The following LHFPL3 variants were observed in gnomAD, a reference collection of about 807,000 sequenced individuals.
LHFPL3 encodes the protein LHFPL tetraspan subfamily member 3.
LHFPL3 carries 5 observed loss-of-function variants against 19.3 expected under a neutral mutation model. The observed-to-expected ratio is 0.26, with a 90% CI of 0.14 to 0.54. The LOEUF (loss-of-function observed/expected upper bound fraction) is 0.54. Ranked by LOEUF, LHFPL3 falls within the 20% of genes least tolerant of loss-of-function variation. The pLI, the probability that LHFPL3 is intolerant of heterozygous loss-of-function variation, is 0.94. For missense variants in LHFPL3, 249 were observed against 307.4 expected, an observed-to-expected ratio of 0.81 and a Z score of 1.42; for synonymous variants, 133 against 126.2, an observed-to-expected ratio of 1.05 and a Z score of -0.36.
At chr7:104,510,108 A>G (rs79529271) in intron 1 of LHFPL3, among the ~76,000 whole-genome samples, 1 of 151,932 alleles carries the variant, frequency 6.6e-6, no homozygotes, top group Non-Finnish European at 1.5e-5. Context: ...ATGAAGAGAC[A>G]TACCATCTTC....
chr7:104,417,542 G>T (rs948020980), intron 1 of LHFPL3, among the ~76,000 whole-genome samples: 1 of 151,972 alleles, frequency 6.6e-6, no homozygotes, highest in Admixed American at 6.6e-5. Flanking sequence ...TTTTATTGGG[G>T]TCTTGTGTTT....
intron 1 of LHFPL3, among the ~76,000 whole-genome samples, chr7:104,510,436 A>G (rs1192268515): frequency 1.3e-5 from 2 of 152,126 alleles, no homozygotes; most frequent in African/African-American, 2.4e-5. Flanking sequence ...TTGCAAAAGT[A>G]TTTTAACGGA....
chr7:104,652,198 G>A (rs1792045187), intron 1 of LHFPL3, among the ~76,000 whole-genome samples: 2 of 152,130 alleles, frequency 1.3e-5, no homozygotes, highest in African/African-American at 4.8e-5. Flanking sequence ...TCAAAAAGCT[G>A]ACTTGACAAC....
At chr7:104,586,249 A>C (rs1023890001) in intron 1 of LHFPL3, among the ~76,000 whole-genome samples, 1 of 152,066 alleles carries the variant, frequency 6.6e-6, no homozygotes, top group African/African-American at 2.4e-5. Flanking sequence ...GAGAAAGAGG[A>C]GTTAAGGATG....
intron 1 of LHFPL3, among the ~76,000 whole-genome samples, chr7:104,540,169 GAAATT>G (rs2115871849): frequency 6.6e-6 from 1 of 152,222 alleles, no homozygotes; most frequent in Admixed American, 6.5e-5. Flanking sequence ...AAGATACAGT[GAAATT>G]ATACGCTGTG....
chr7:104,636,375 A>T (rs1791729435), intron 1 of LHFPL3, among the ~76,000 whole-genome samples: 1 of 152,088 alleles, frequency 6.6e-6, no homozygotes, highest in Admixed American at 6.6e-5. Context: ...AAAAGTACTA[A>T]TTTTTTTAAC....
At chr7:104,894,024 T>C (rs1472975370) in intron 2 of LHFPL3, among the ~76,000 whole-genome samples, 1 of 151,948 alleles carries the variant, frequency 6.6e-6, no homozygotes, top group Non-Finnish European at 1.5e-5. Flanking sequence ...CCAGTCTCCA[T>C]CTGTGCACAG....
At chr7:104,745,296 T>C (rs1400485682) in intron 2 of LHFPL3, among the ~76,000 whole-genome samples, 1 of 152,198 alleles carries the variant, frequency 6.6e-6, no homozygotes, top group East Asian at 1.9e-4. Flanking sequence ...TAGCAGGAAC[T>C]GCAGCCACCA....
At chr7:104,401,740 C>T (rs1299694045) in intron 1 of LHFPL3, among the ~76,000 whole-genome samples, 1 of 152,160 alleles carries the variant, frequency 6.6e-6, no homozygotes, top group Non-Finnish European at 1.5e-5. Context: ...ATTTAGCAGT[C>T]AGGACAAACT....
In LHFPL3 at chr7:104,784,620, CA is replaced by C. The variant is rs144919152; in HGVS notation, c.682+47712del. ...TTGTGGATACATATCCAAAAGAATTCAAAGCTAGATCTCAAAGAGATATTTG... is the reference window on the plus strand; with the variant it reads ...TTGTGGATACATATCCAAAAGAATTCAAGCTAGATCTCAAAGAGATATTTG... On this transcript the variant is annotated intron_variant, in intron 2 of 2. Coordinates refer to ENST00000424859, the MANE Select transcript of LHFPL3 (RefSeq NM_199000.3). Among the ~76,000 whole-genome samples, 572 of 152,258 alleles carry C rather than the reference CA, an allele frequency of 3.8e-3. 11 individuals carry two copies. Among genetic ancestry groups the C allele is most frequent in the Admixed American group, 0.031 (467 of 15,282 alleles).
chr7:104,754,499 T>A (rs1396090724), intron 2 of LHFPL3, among the ~76,000 whole-genome samples: 1 of 152,194 alleles, frequency 6.6e-6, no homozygotes, highest in Non-Finnish European at 1.5e-5. Flanking sequence ...TAGCTGTGGA[T>A]CCTGAGCAAA....
intron 1 of LHFPL3, among the ~76,000 whole-genome samples, chr7:104,482,510 T>C (rs1793156734): frequency 6.6e-6 from 1 of 152,240 alleles, no homozygotes; most frequent in Admixed American, 6.5e-5. Flanking sequence ...GGCTCTTCTT[T>C]ATGTTGAATC....
At chr7:104,386,409 C>A (rs1790944310) in intron 1 of LHFPL3, among the ~76,000 whole-genome samples, 1 of 152,138 alleles carries the variant, frequency 6.6e-6, no homozygotes. Context: ...CCGATAACAA[C>A]TGGGGCAAAC....
chr7:104,802,516 G>A (rs76618802), intron 2 of LHFPL3, among the ~76,000 whole-genome samples: 35 of 111,100 alleles, frequency 3.2e-4, no homozygotes, highest in Admixed American at 7.1e-4. Flanking sequence ...AAAAAAAAAA[G>A]AGAGAGAGAG....
chr7:104,450,091 C>G (rs1201828276), intron 1 of LHFPL3, among the ~76,000 whole-genome samples: 2 of 152,268 alleles, frequency 1.3e-5, no homozygotes, highest in East Asian at 3.9e-4. Flanking sequence ...ATTTTCTATA[C>G]TTTTTCTTCT....
intron 1 of LHFPL3, among the ~76,000 whole-genome samples, chr7:104,726,819 A>G (rs552966529): frequency 9.8e-5 from 15 of 152,290 alleles, no homozygotes; most frequent in African/African-American, 3.1e-4. Flanking sequence ...TTATAATACA[A>G]TGATTTATAT....
At chr7:104,772,456 TG>T (rs914014704) in intron 2 of LHFPL3, among the ~76,000 whole-genome samples, 1 of 152,138 alleles carries the variant, frequency 6.6e-6, no homozygotes, top group African/African-American at 2.4e-5. Flanking sequence ...GCTCAGACAA[TG>T]GGCTCCGACT....
rs17139360 is a variant in LHFPL3, at chr7:104,631,883, C to A, written c.446-104792C>A. ...AAGATGATTTTAACTTATTAGCATC[C>A]TTGAGGGCAGGGAAGAAACCTTCAG... On this transcript the variant is annotated intron_variant, in intron 1 of 2. Coordinates refer to ENST00000424859, the MANE Select transcript of LHFPL3 (RefSeq NM_199000.3). 7.5e-3 allele frequency among the ~76,000 whole-genome samples: 1,141 copies of A among 152,220 alleles called. 51 individuals are homozygous for A. The East Asian group carries it at 0.11, about 15-fold the overall frequency.
intron 1 of LHFPL3, among the ~76,000 whole-genome samples, chr7:104,644,619 G>A (rs182808597): frequency 3.6e-4 from 55 of 152,236 alleles, no homozygotes; most frequent in African/African-American, 1.3e-3. Flanking sequence ...AGAAGGACTC[G>A]TTGATATTCA....
Sources: gnomAD v4.1 joint callset for allele counts (sites outside exome capture counted in the v4.1 genomes callset) on GRCh38, gnomAD v4.1.1 for gene constraint, MANE v1.5 for transcripts, NCBI Gene and HGNC (gene_info 2026-07-23, HGNC 2026-07-21) for gene names.